DYNC1I2: variants seen among roughly 807,000 people sequenced by gnomAD.
The protein encoded by DYNC1I2 is cytoplasmic dynein 1 intermediate chain 2.
Under a neutral mutation model 88.6 loss-of-function variants are expected in DYNC1I2, and 53 were observed. The observed-to-expected ratio is 0.60, with a 90% CI of 0.48 to 0.75. The LOEUF is 0.75. Ranked by LOEUF, DYNC1I2 falls within the 30% of genes least tolerant of loss-of-function variation. The probability of loss-of-function intolerance (pLI) is 0.00; values close to 1 mark genes in which losing one functional copy is unlikely to be tolerated. For missense variants in DYNC1I2, 458 were observed against 766.6 expected (o/e 0.60, Z 4.75); for synonymous variants, 198 against 254.6 (o/e 0.78, Z 2.12).
rs1040615852 is a variant in DYNC1I2, at chr2:171,727,743, G to A, written c.997-78G>A. 68 of 1,351,194 alleles carry A rather than the reference G, an allele frequency of 5.0e-5. No individual in the cohort carries two copies. The Middle Eastern group carries it at 1.0e-3, about 21-fold the overall frequency. The allele number at this position is 1,351,194 out of a possible 1,614,324, so 83.7% of individuals were successfully genotyped here. ...CATACAATGAAGAAAGAAATGTTTCGGATAATAGATTGATTTTTAGAACTT... is the reference window on the plus strand; with the variant it reads ...CATACAATGAAGAAAGAAATGTTTCAGATAATAGATTGATTTTTAGAACTT... On this transcript the variant is annotated intron_variant, in intron 11 of 17. Transcript: ENST00000397119.
chr2:171,716,122 G>A (rs1687476725), intron 7 of DYNC1I2, among the ~76,000 whole-genome samples: 1 of 151,790 alleles, frequency 6.6e-6, no homozygotes, highest in Admixed American at 6.6e-5. Context: ...AAAAAAAAAA[G>A]ATTTATGTGA....
chr2:171,691,576 T>C (rs1685408516), intron 2 of DYNC1I2, among the ~76,000 whole-genome samples: 1 of 152,210 alleles, frequency 6.6e-6, no homozygotes, highest in Admixed American at 6.5e-5. Flanking sequence ...GCTAGTTTAT[T>C]CTGAACCTTT....
intron 7 of DYNC1I2, among the ~76,000 whole-genome samples, chr2:171,716,767 G>A (rs755802680): frequency 6.6e-6 from 1 of 151,958 alleles, no homozygotes; most frequent in African/African-American, 2.4e-5. Context: ...TTAGCCGAGC[G>A]TGGTGGTGGG....
chr2:171,733,511 T>C (rs1688783784), intron 15 of DYNC1I2, among the ~76,000 whole-genome samples: 1 of 143,326 alleles, frequency 7.0e-6, no homozygotes, highest in African/African-American at 2.6e-5. Flanking sequence ...ATAGTCATTC[T>C]GACTGGTGTG....
chr2:171,744,707 C>G (rs1689668155), intron 16 of DYNC1I2, among the ~76,000 whole-genome samples: 1 of 152,118 alleles, frequency 6.6e-6, no homozygotes, highest in Non-Finnish European at 1.5e-5. Context: ...AATATAGAAA[C>G]TATCAGATTT....
intron 15 of DYNC1I2, among the ~76,000 whole-genome samples, chr2:171,731,671 C>T (rs150651455): frequency 2.3e-3 from 354 of 151,818 alleles, no homozygotes; most frequent in Non-Finnish European, 4.0e-3. Flanking sequence ...GAGGATTGCT[C>T]AACTGGCATG....
In DYNC1I2 at chr2:171,731,469, T is replaced by C. The variant is rs374174941; in HGVS notation, c.1536+1616T>C. On this transcript the variant is annotated intron_variant, in intron 15 of 17. Coordinates refer to ENST00000397119, the MANE Select transcript of DYNC1I2 (RefSeq NM_001378.3). ...GTCATAAAATTGACAAGAAAAAACA[T>C]TGGCCGGGCTCAGTGGCTCACTCCT... Among the ~76,000 whole-genome samples, 48 of 152,194 alleles carry C rather than the reference T, an allele frequency of 3.2e-4. 3 individuals carry two copies. The highest frequency in any genetic ancestry group is 9.6e-4 in the African/African-American group (40 of 41,510).
intron 14 of DYNC1I2, 129 bp downstream of exon 14, chr2:171,728,979 G>A (rs1417293478): frequency 1.1e-5 from 11 of 1,041,324 alleles, no homozygotes; most frequent in African/African-American, 1.7e-5. Flanking sequence ...TTGTGTTCAG[G>A]CACATAAAAT....
chr2:171,742,613 C>G (rs1689522604), intron 15 of DYNC1I2, among the ~76,000 whole-genome samples: 2 of 152,108 alleles, frequency 1.3e-5, no homozygotes, highest in South Asian at 4.1e-4. Context: ...CTATTGTCTA[C>G]TAGTGAAATG....
At chr2:171,745,985 G>T (rs1386132207) in intron 17 of DYNC1I2, 58 bp downstream of exon 17, 1 of 1,592,644 alleles carries the variant, frequency 6.3e-7, no homozygotes. Flanking sequence ...TGTAGTAAAG[G>T]CATCTTTGTG....
In DYNC1I2 at chr2:171,728,823, C is replaced by T. The variant is rs1207066611; in HGVS notation, c.1364C>T (p.Ser455Phe). The T allele has an allele frequency of 6.2e-7, 1 of 1,610,914 alleles. No homozygotes were observed. Among genetic ancestry groups the T allele is most frequent in the South Asian group, 1.1e-5 (1 of 90,288 alleles). The change falls in exon 14 of 18, where the codon TCT (serine) becomes TTT (phenylalanine). Residue 455 changes from serine to phenylalanine, a missense_variant. By Grantham distance (155) the Ser-to-Phe change is radical (BLOSUM62 -2). Transcript: ENST00000397119. ...NNFVVGSEEG[S>F]VYTACRHGSK... ...TTTGTTGTTGGGAGTGAAGAAGGTTCTGTGTACACAGCATGCCGCCATGGC... is the reference window on the plus strand; with the variant it reads ...TTTGTTGTTGGGAGTGAAGAAGGTTTTGTGTACACAGCATGCCGCCATGGC...
chr2:171,693,360 G>C (rs1237852965), intron 3 of DYNC1I2, among the ~76,000 whole-genome samples: 1 of 152,180 alleles, frequency 6.6e-6, no homozygotes, highest in Non-Finnish European at 1.5e-5. Context: ...ATGCTAATAA[G>C]GGAGATAATT....
At chr2:171,742,114 T>C (rs1187813376) in intron 15 of DYNC1I2, among the ~76,000 whole-genome samples, 1 of 151,964 alleles carries the variant, frequency 6.6e-6, no homozygotes, top group African/African-American at 2.4e-5. Flanking sequence ...CATTTAGATC[T>C]GTGATACATT....
chr2:171,716,594 A>G (rs1251140184), intron 7 of DYNC1I2, among the ~76,000 whole-genome samples: 3 of 152,160 alleles, frequency 2.0e-5, no homozygotes, highest in Non-Finnish European at 4.4e-5. Flanking sequence ...AAATTTTCAT[A>G]TTTGCCTAAA....
chr2:171,745,209 A>C (rs772858469), intron 16 of DYNC1I2, among the ~76,000 whole-genome samples: 1 of 152,168 alleles, frequency 6.6e-6, no homozygotes, highest in South Asian at 2.1e-4. Flanking sequence ...TCCTTAGCAA[A>C]GAAGAGGCAC....
rs774090769 is a variant in DYNC1I2 at position 171,725,692 on chromosome 2, G to C, written c.586G>C (p.Asp196His). Residue 196 changes from aspartate (D) to histidine (H), a missense_variant, in exon 8 of 18, where the codon GAT (aspartate) becomes CAT (histidine). Physicochemically the swap from Asp to His is moderately conservative, Grantham distance 81 (BLOSUM62 -1). Around this residue, in one of 5 missense-constraint regions of DYNC1I2, gnomAD observed 203 missense variants for 354.2 expected, o/e 0.57. Transcript: ENST00000397119. Reference sequence around the variant, plus strand: ...TGAAGAAGAGAAAACTTTAAAGAAAGATGAGGAAAATGATAGTAAAGGTAT... The same window carrying C: ...TGAAGAAGAGAAAACTTTAAAGAAACATGAGGAAAATGATAGTAAAGGTAT... ...EPEEEKTLKK[D>H]EENDSKAPPH... 1.9e-6 allele frequency: 3 copies of C among 1,568,044 alleles called. No homozygotes were observed. Among genetic ancestry groups the C allele is most frequent in the Non-Finnish European group, 2.6e-6 (3 of 1,160,584 alleles).
At chr2:171,715,273 AAAT>A in intron 6 of DYNC1I2, 52 bp from the exon 7 acceptor site, 1 of 1,135,506 alleles carries the variant, frequency 8.8e-7, no homozygotes, top group Non-Finnish European at 1.3e-6. Context: ...TAATTTTTGA[AAAT>A]AACATGGTTT....
chr2:171,694,962 A>G (rs551830754), intron 3 of DYNC1I2, among the ~76,000 whole-genome samples: 1 of 152,134 alleles, frequency 6.6e-6, no homozygotes, highest in Non-Finnish European at 1.5e-5. Flanking sequence ...TCAATGGCCC[A>G]TCTCCATCAT....
At chr2:171,692,561 A>AAGAT (rs1198295273) in intron 2 of DYNC1I2, among the ~76,000 whole-genome samples, 1 of 152,156 alleles carries the variant, frequency 6.6e-6, no homozygotes, top group Non-Finnish European at 1.5e-5. Flanking sequence ...ATTACATATG[A>AAGAT]AGATAGAGCA....
Sources: gnomAD v4.1 joint callset for allele counts (sites outside exome capture counted in the v4.1 genomes callset) on GRCh38, gnomAD v4.1.1 for gene constraint, gnomAD v4.1.1 regional missense constraint, MANE v1.5 for transcripts, NCBI Gene and HGNC (gene_info 2026-07-23, HGNC 2026-07-21) for gene names.